Variants in SLC30A6 observed in about 807,000 individuals in gnomAD.
The protein encoded by SLC30A6 is zinc transporter 6.
SLC30A6 carries 55 observed loss-of-function variants against 63.0 expected under a neutral mutation model. The ratio of observed to expected loss-of-function variants is 0.87; its 90% confidence interval spans 0.70 to 1.09. The LOEUF (loss-of-function observed/expected upper bound fraction) is 1.09. SLC30A6 is among the 50% of genes least tolerant of loss of function. The pLI is 0.00. For synonymous variants in SLC30A6, 224 were observed against 186.1 expected (o/e 1.20, Z -1.66); for missense variants, 587 against 549.2 (o/e 1.07, Z -0.69).
chr2:32,218,000 C>T (rs757869966), intron 13 of SLC30A6, among the ~76,000 whole-genome samples: 11 of 152,062 alleles, frequency 7.2e-5, no homozygotes, highest in African/African-American at 1.4e-4. Context: ...TGTGCCACCA[C>T]GCCCAGCTAA....
intron 4 of SLC30A6, among the ~76,000 whole-genome samples, chr2:32,183,815 T>G (rs1240168464): frequency 9.9e-5 from 15 of 152,200 alleles, no homozygotes; most frequent in Admixed American, 9.8e-4. Flanking sequence ...TCTACTATAG[T>G]TGGAAAATGA....
chr2:32,203,010 G>C lies in SLC30A6; in HGVS notation c.666-1580G>C. The C allele has an allele frequency of 2.6e-6, 3 of 1,176,196 alleles. No homozygotes were observed. In the South Asian group the frequency reaches 3.7e-5, roughly 14 times the overall value. 72.9% of individuals were successfully genotyped at this position (1,176,196 alleles called of 1,614,324 possible). ...CTGTGAGACCCAGAGGAGTGTAACT[G>C]AAATAGCCATGAATCCACACATAAA... On this transcript the variant is annotated intron_variant, in intron 10 of 13. Transcript: ENST00000282587.
At chr2:32,172,812 T>C (rs1051914878) in intron 2 of SLC30A6, among the ~76,000 whole-genome samples, 1 of 152,348 alleles carries the variant, frequency 6.6e-6, no homozygotes, top group East Asian at 1.9e-4. Flanking sequence ...CGATGTTCTT[T>C]CGTTTCTATC....
At chr2:32,201,797 GGA>G (rs1684316516) in intron 10 of SLC30A6, 4 of 1,374,954 alleles carry the variant, frequency 2.9e-6, no homozygotes, top group Non-Finnish European at 4.1e-6. Flanking sequence ...ACACAGTGCT[GGA>G]GTGACAGAAG....
intron 5 of SLC30A6, among the ~76,000 whole-genome samples, chr2:32,186,707 A>G (rs1204782632): frequency 6.6e-6 from 1 of 150,492 alleles, no homozygotes; most frequent in East Asian, 1.9e-4. Context: ...AAAAAAAATT[A>G]GTTTGGGGAG....
chr2:32,185,581 T>C (rs151029542), intron 5 of SLC30A6, among the ~76,000 whole-genome samples: 1,655 of 152,178 alleles, frequency 0.011, 101 homozygotes, highest in Admixed American at 0.095. Context: ...ATACCATTCA[T>C]TGGGACTATA....
rs1328311863 is a variant in SLC30A6, at chr2:32,223,286, A to G, written c.*2573A>G. 1 of 152,190 alleles carries G rather than the reference A, an allele frequency of 6.6e-6. No homozygotes were observed. The highest frequency in any genetic ancestry group is 1.9e-4 in the East Asian group (1 of 5,200). The allele number at this position is 152,190 out of a possible 1,614,324, so 9.4% of individuals were successfully genotyped here. A position where few individuals can be genotyped will look rare whatever the true frequency, so the allele number is the denominator to read the frequency against. ...GAAGTTCAATTTAAATATTTGTCCC[A>G]TTGTTTGTGATTAGGATGTAAGCTT... On this transcript the variant is annotated 3_prime_UTR_variant, in exon 14 of 14. Transcript: ENST00000282587.
intron 13 of SLC30A6, among the ~76,000 whole-genome samples, chr2:32,216,342 C>T (rs1263337542): frequency 1.3e-5 from 2 of 152,080 alleles, no homozygotes; most frequent in East Asian, 3.9e-4. Context: ...TCAAGACCAG[C>T]CTGGCCAACA....
intron 11 of SLC30A6, among the ~76,000 whole-genome samples, chr2:32,206,149 T>C (rs1684749667): frequency 6.6e-6 from 1 of 151,806 alleles, no homozygotes; most frequent in South Asian, 2.1e-4. Flanking sequence ...TGAATATGAA[T>C]AGAAAGGCAG....
At chr2:32,217,777 C>T (rs1399463171) in intron 13 of SLC30A6, among the ~76,000 whole-genome samples, 1 of 151,266 alleles carries the variant, frequency 6.6e-6, no homozygotes, top group Admixed American at 6.6e-5. Context: ...AGATCTTTCA[C>T]CTCTTTGGTT....
chr2:32,203,397 C>T, intron 10 of SLC30A6: 2 of 1,181,186 alleles, frequency 1.7e-6, no homozygotes, highest in Non-Finnish European at 2.5e-6. Context: ...GCCATAAGGT[C>T]TCTGGCTTCT....
intron 5 of SLC30A6, among the ~76,000 whole-genome samples, chr2:32,185,644 C>T (rs1392216194): frequency 1.3e-5 from 2 of 151,898 alleles, no homozygotes; most frequent in Non-Finnish European, 2.9e-5. Context: ...AAGAAGTAAA[C>T]AAAAATTTTA....
chr2:32,174,548 ATT>A (rs11432136), intron 3 of SLC30A6, among the ~76,000 whole-genome samples: 1 of 92,258 alleles, frequency 1.1e-5, no homozygotes. Flanking sequence ...CTATCTGGAG[ATT>A]TTTTTTTTTT....
At chr2:32,192,985 A>AT in intron 7 of SLC30A6, 32 bp downstream of exon 7, 1 of 1,321,770 alleles carries the variant, frequency 7.6e-7, no homozygotes, top group Non-Finnish European at 1.0e-6. Flanking sequence ...ATAATTTACT[A>AT]TTGATTCTTA....
In SLC30A6 at chr2:32,203,824, T is replaced by C. The variant is rs1025564321; in HGVS notation, c.666-766T>C. The C allele has an allele frequency of 4.2e-6, 6 of 1,435,432 alleles. No individual in the cohort carries two copies. The African/African-American group carries it at 4.2e-5, about 10-fold the overall frequency. 88.9% of individuals were successfully genotyped at this position (1,435,432 alleles called of 1,614,324 possible). ...TTATGATAGAAACACATCTTCTAAT[T>C]CCAGACAGAGGAGTGGTTGGTCAAG... On this transcript the variant is annotated intron_variant, in intron 10 of 13. Transcript: ENST00000282587.
chr2:32,198,831 G>C (rs756462380), intron 10 of SLC30A6, among the ~76,000 whole-genome samples: 2 of 152,272 alleles, frequency 1.3e-5, no homozygotes, highest in East Asian at 3.9e-4. Flanking sequence ...TGATCCACCT[G>C]CCTCGGTGGC....
intron 1 of SLC30A6, among the ~76,000 whole-genome samples, chr2:32,168,592 A>C (rs767904619): frequency 2.6e-5 from 4 of 152,160 alleles, no homozygotes; most frequent in Admixed American, 6.6e-5. Flanking sequence ...GTTTGGAATG[A>C]TCTAGGAAGA....
At chr2:32,197,851 G>T in intron 10 of SLC30A6, 25 bp downstream of exon 10, 1 of 1,611,512 alleles carries the variant, frequency 6.2e-7, no homozygotes, top group Non-Finnish European at 8.5e-7. Context: ...TTGTTGTCAA[G>T]TATGTTTTGA....
intron 13 of SLC30A6, among the ~76,000 whole-genome samples, chr2:32,216,932 A>G (rs113756644): frequency 0.098 from 14,895 of 151,790 alleles, 785 homozygotes; most frequent in Middle Eastern, 0.22. Context: ...TCTGTCACCC[A>G]GGCTGGAGTG....
Sources: gnomAD v4.1 joint callset for allele counts (sites outside exome capture counted in the v4.1 genomes callset) on GRCh38, gnomAD v4.1.1 for gene constraint, MANE v1.5 for transcripts, NCBI Gene and HGNC (gene_info 2026-07-23, HGNC 2026-07-21) for gene names.